The following PHKB variants were observed in gnomAD, a reference collection of about 807,000 sequenced individuals.
The protein encoded by PHKB is phosphorylase kinase regulatory subunit beta.
In PHKB, 122 loss-of-function variants were observed where a neutral mutation model predicts 152.1. That is an observed-to-expected ratio of 0.80 (90% confidence interval 0.69 to 0.93). PHKB has a LOEUF of 0.93. Ranked by LOEUF, PHKB falls within the 40% of genes least tolerant of loss-of-function variation. PHKB has a pLI of 0.00. For synonymous variants in PHKB, 436 were observed against 464.9 expected, an observed-to-expected ratio of 0.94 and a Z score of 0.80; for missense variants, 1,304 against 1,328.4, an observed-to-expected ratio of 0.98 and a Z score of 0.29.
intron 16 of PHKB, among the ~76,000 whole-genome samples, chr16:47,647,501 C>CTT (rs1200871635): frequency 7.6e-5 from 11 of 144,746 alleles, no homozygotes; most frequent in South Asian, 2.2e-4. Flanking sequence ...ATTTTAACAT[C>CTT]TTTTTTTTTT....
chr16:47,609,553 T>TTG (rs144647746), intron 13 of PHKB, among the ~76,000 whole-genome samples: 3,811 of 143,798 alleles, frequency 0.027, 76 homozygotes, highest in African/African-American at 0.068. Flanking sequence ...GTGTGTGTGT[T>TTG]TGTGTGTGTG....
intron 27 of PHKB, among the ~76,000 whole-genome samples, chr16:47,689,841 A>G (rs1213986342): frequency 2.0e-5 from 3 of 152,248 alleles, no homozygotes; most frequent in Non-Finnish European, 2.9e-5. Flanking sequence ...ATAAATGGAA[A>G]GGCATCCTCG....
chr16:47,562,328 A>G (rs1006935697), intron 7 of PHKB: 1 of 152,232 alleles, frequency 6.6e-6, no homozygotes, highest in African/African-American at 2.4e-5. Flanking sequence ...AGATGTGGCC[A>G]TTCCCCACTT....
intron 26 of PHKB, chr16:47,675,503 A>G (rs968000823): frequency 1.4e-5 from 1 of 70,018 alleles, no homozygotes; most frequent in African/African-American, 3.7e-5. Flanking sequence ...ACACACGTAC[A>G]CACACACACA....
At chr16:47,620,043 A>C (rs896612851) in intron 14 of PHKB, among the ~76,000 whole-genome samples, 2 of 152,220 alleles carry the variant, frequency 1.3e-5, no homozygotes, top group Non-Finnish European at 2.9e-5. Context: ...TGTTTTTGGA[A>C]TATTGTCTGA....
intron 13 of PHKB, among the ~76,000 whole-genome samples, chr16:47,603,881 C>G (rs1972278814): frequency 6.6e-6 from 1 of 152,156 alleles, no homozygotes; most frequent in South Asian, 2.1e-4. Context: ...CTCCTAACAT[C>G]TCTCTGAGAT....
intron 4 of PHKB, among the ~76,000 whole-genome samples, chr16:47,508,895 G>A (rs1349439766): frequency 6.6e-6 from 1 of 151,990 alleles, no homozygotes; most frequent in East Asian, 1.9e-4. Context: ...TAAATTACTT[G>A]TCTTTTAATG....
chr16:47,587,887 A>T (rs973085822), intron 9 of PHKB, 124 bp downstream of exon 9: 7 of 779,604 alleles, frequency 9.0e-6, no homozygotes, highest in Admixed American at 4.1e-5. Context: ...ATAAGAGGAC[A>T]TGATAGATAT....
chr16:47,489,542 A>C (rs796227158), intron 1 of PHKB, among the ~76,000 whole-genome samples: 1 of 152,206 alleles, frequency 6.6e-6, no homozygotes, highest in Non-Finnish European at 1.5e-5. Context: ...AAGGAATCTC[A>C]GATAAGACCT....
chr16:47,637,157 C>T (rs552227175), intron 14 of PHKB, among the ~76,000 whole-genome samples: 9 of 152,114 alleles, frequency 5.9e-5, no homozygotes, highest in African/African-American at 1.2e-4. Flanking sequence ...GGACACTCAT[C>T]GGAATGGCCT....
intron 4 of PHKB, among the ~76,000 whole-genome samples, chr16:47,507,576 T>C (rs184260656): frequency 1.1e-3 from 162 of 151,714 alleles, no homozygotes; most frequent in African/African-American, 3.7e-3. Flanking sequence ...CAAGCTGGTC[T>C]CAAACTCCTG....
In PHKB at chr16:47,601,109, C is replaced by G. The variant is rs1972216955; in HGVS notation, c.1363+4578C>G. ...GTGCATGGCTGTAGTCCCAGCTACT[C>G]AGGAGGCTGAGGCCAGAGGATCACC... On this transcript the variant is annotated intron_variant, in intron 13 of 30. Coordinates refer to ENST00000323584, the MANE Select transcript of PHKB (RefSeq NM_000293.3). Among the ~76,000 whole-genome samples the G allele has an allele frequency of 2.0e-5, 3 of 152,130 alleles. No homozygotes were observed. In the South Asian group the frequency reaches 6.2e-4, roughly 32 times the overall value.
intron 8 of PHKB, among the ~76,000 whole-genome samples, chr16:47,585,304 C>G (rs893756027): frequency 6.6e-6 from 1 of 152,148 alleles, no homozygotes; most frequent in African/African-American, 2.4e-5. Flanking sequence ...ATATTCCTAT[C>G]CTTAATTGGG....
intron 1 of PHKB, among the ~76,000 whole-genome samples, chr16:47,482,010 G>A (rs1433502001): frequency 6.6e-6 from 1 of 152,196 alleles, no homozygotes; most frequent in Non-Finnish European, 1.5e-5. Flanking sequence ...GGGGAAGGCA[G>A]TTTCTCTCTT....
intron 12 of PHKB, among the ~76,000 whole-genome samples, chr16:47,594,504 A>G (rs115160611): frequency 6.6e-6 from 1 of 152,342 alleles, no homozygotes; most frequent in East Asian, 1.9e-4. Context: ...GTTTTTATAC[A>G]GGTCACCAAA....
intron 1 of PHKB, chr16:47,462,659 C>T (rs1221755738): frequency 6.6e-6 from 1 of 151,128 alleles, no homozygotes; most frequent in Non-Finnish European, 1.5e-5. Context: ...TATTTTCTCA[C>T]CTAATATGTT....
intron 7 of PHKB, among the ~76,000 whole-genome samples, chr16:47,555,142 A>T (rs1971346320): frequency 6.6e-6 from 1 of 152,224 alleles, no homozygotes; most frequent in Non-Finnish European, 1.5e-5. Flanking sequence ...CTTATTACTT[A>T]AGGTAACTAC....
intron 20 of PHKB, among the ~76,000 whole-genome samples, chr16:47,655,585 C>G (rs934012809): frequency 6.6e-6 from 1 of 152,100 alleles, no homozygotes; most frequent in Non-Finnish European, 1.5e-5. Context: ...TTCTCCTTTT[C>G]TTTTTGTTTT....
At position 47,651,369 on chromosome 16, in the gene PHKB, T is replaced by C. The variant is rs776367844; in HGVS notation, c.1971+448T>C. On this transcript the variant is annotated intron_variant, in intron 20 of 30. Transcript: ENST00000323584. The stretch of plus-strand genomic sequence containing the variant: ...TCACTGTTGGTCATAACAGCCTCTC[T>C]GTCCACAGTTCTCTCCTACTAAACA... Among the ~76,000 whole-genome samples, 50 of 152,346 alleles carry C rather than the reference T, an allele frequency of 3.3e-4. No individual in the cohort carries two copies. The Middle Eastern group carries it at 0.02, about 62-fold the overall frequency.
Sources: allele counts gnomAD v4.1 joint callset (sites outside exome capture counted in the v4.1 genomes callset), GRCh38; gene constraint gnomAD v4.1.1; transcripts MANE v1.5; gene names NCBI Gene and HGNC (gene_info 2026-07-23, HGNC 2026-07-21).